CHD7: variants seen among roughly 807,000 people sequenced by gnomAD.
The protein encoded by CHD7 is ATP-dependent chromatin remodeler CHD7.
In CHD7, 24 loss-of-function variants were observed where a neutral mutation model predicts 307.3. That is an observed-to-expected ratio of 0.08 (90% CI 0.06 to 0.11). The LOEUF (loss-of-function observed/expected upper bound fraction) is 0.11. CHD7 is among the 10% of genes least tolerant of loss of function. The pLI, the probability that CHD7 is intolerant of heterozygous loss-of-function variation, is 1.00. For synonymous variants in CHD7, 1,363 were observed against 1,349.9 expected, an observed-to-expected ratio of 1.01 and a Z score of -0.21; for missense variants, 3,106 against 3,727.1, an observed-to-expected ratio of 0.83 and a Z score of 4.34.
At chr8:60,773,175 G>A (rs765886426) in intron 2 of CHD7, among the ~76,000 whole-genome samples, 5 of 152,208 alleles carry the variant, frequency 3.3e-5, no homozygotes, top group African/African-American at 7.2e-5. Context: ...TCTGCTTGTG[G>A]CCTGGGAGAT....
chr8:60,681,681 T>G (rs1377320555), intron 1 of CHD7, among the ~76,000 whole-genome samples: 1 of 152,244 alleles, frequency 6.6e-6, no homozygotes, highest in African/African-American at 2.4e-5. Context: ...AATCTGCTGA[T>G]AAAAGGACAT....
At chr8:60,837,635 T>C (rs1354519341) in intron 17 of CHD7, 33 bp from the exon 18 acceptor site, 4 of 1,499,086 alleles carry the variant, frequency 2.7e-6, no homozygotes, top group African/African-American at 1.4e-5. Context: ...ATTAGGTTCA[T>C]TGCAGTAACT....
At chr8:60,847,196 C>T (rs1335834200) in intron 23 of CHD7, among the ~76,000 whole-genome samples, 3 of 152,126 alleles carry the variant, frequency 2.0e-5, no homozygotes, top group South Asian at 4.1e-4. Context: ...TGAGTAGGCT[C>T]GTGGTTGGGG....
chr8:60,811,400 C>T (rs1006776413), intron 7 of CHD7, among the ~76,000 whole-genome samples: 11 of 152,224 alleles, frequency 7.2e-5, no homozygotes, highest in Middle Eastern at 3.4e-3. Context: ...ATTTCCTCTT[C>T]GTTCTTACAA....
At chr8:60,852,752 G>A (rs1368606330) in intron 30 of CHD7, 46 bp downstream of exon 30, 1 of 1,611,014 alleles carries the variant, frequency 6.2e-7, no homozygotes, top group Admixed American at 1.7e-5. Flanking sequence ...GACGAGTAAA[G>A]TGAAAAATAA....
intron 7 of CHD7, among the ~76,000 whole-genome samples, chr8:60,811,964 T>C (rs1233397018): frequency 6.6e-6 from 1 of 152,250 alleles, no homozygotes; most frequent in African/African-American, 2.4e-5. Flanking sequence ...TTTTTACATC[T>C]TGCTTTGTCA....
chr8:60,780,721 AGT>A (rs1406262333), intron 2 of CHD7, among the ~76,000 whole-genome samples: 1 of 152,228 alleles, frequency 6.6e-6, no homozygotes, highest in African/African-American at 2.4e-5. Flanking sequence ...AAAAACAGAC[AGT>A]GTCTTCAGTT....
At position 60,699,498 on chromosome 8, in the gene CHD7, A is replaced by G. The variant is rs553178511; in HGVS notation, c.-175+20416A>G. Among the ~76,000 whole-genome samples the G allele has an allele frequency of 2.0e-5, 3 of 152,000 alleles. No homozygotes were observed. The East Asian group carries it at 5.8e-4, about 29-fold the overall frequency. On this transcript the variant is annotated intron_variant, in intron 1 of 37. Transcript: ENST00000423902. ...GAGCCAGCGTAATGTGATAGGTCTTATTTTATTACATTTCACTTAAAAAAA... is the reference window on the plus strand; with the variant it reads ...GAGCCAGCGTAATGTGATAGGTCTTGTTTTATTACATTTCACTTAAAAAAA...
intron 1 of CHD7, among the ~76,000 whole-genome samples, chr8:60,719,875 A>G (rs943388351): frequency 1.3e-5 from 2 of 152,222 alleles, no homozygotes; most frequent in African/African-American, 4.8e-5. Context: ...TGTTTGACAA[A>G]GGCAAAAAAA....
chr8:60,849,923 C>T (rs1279295794), intron 25 of CHD7, among the ~76,000 whole-genome samples: 1 of 152,196 alleles, frequency 6.6e-6, no homozygotes, highest in East Asian at 1.9e-4. Flanking sequence ...TGGGATCTGC[C>T]ATTTTCCATC....
At chr8:60,837,589 G>A (rs1052122783) in intron 17 of CHD7, 79 bp from the exon 18 acceptor site, 1 of 1,252,286 alleles carries the variant, frequency 8.0e-7, no homozygotes, top group South Asian at 1.6e-5. Context: ...TTGGAATGAG[G>A]GTTTCAGCAT....
At chr8:60,681,928 AATT>A (rs1464364722) in intron 1 of CHD7, among the ~76,000 whole-genome samples, 5 of 152,176 alleles carry the variant, frequency 3.3e-5, no homozygotes, top group East Asian at 1.9e-4. Context: ...ATGAATTTTA[AATT>A]ATTATATTCA....
At chr8:60,781,468 A>G in intron 3 of CHD7, 38 bp downstream of exon 3, 1 of 1,495,430 alleles carries the variant, frequency 6.7e-7, no homozygotes, top group African/African-American at 1.4e-5. Context: ...CAAAACATTG[A>G]GAGTACAGAA....
chr8:60,679,023 GC>G lies in CHD7; in HGVS notation c.-231del, dbSNP rs1360680538. On this transcript the variant is annotated 5_prime_UTR_variant, in exon 1 of 38. Transcript: ENST00000423902. ...CCGCAGCTGCCGAGCCAACTCCGGA[GC>G]CCGCTCTGCGTTTTGTTTTCCCCTC... 1 of 151,056 alleles carries G rather than the reference GC, an allele frequency of 6.6e-6. No individual in the cohort carries two copies. Among genetic ancestry groups the G allele is most frequent in the East Asian group, 1.9e-4 (1 of 5,142 alleles). The allele number at this position is 151,056 out of a possible 1,614,324, so 9.4% of individuals were successfully genotyped here.
At chr8:60,711,819 G>C (rs1807293884) in intron 1 of CHD7, among the ~76,000 whole-genome samples, 1 of 152,218 alleles carries the variant, frequency 6.6e-6, no homozygotes, top group Admixed American at 6.5e-5. Flanking sequence ...AGACGCTTTT[G>C]TTGGTCTCCC....
chr8:60,719,119 A>G (rs1185032332), intron 1 of CHD7, among the ~76,000 whole-genome samples: 1 of 152,236 alleles, frequency 6.6e-6, no homozygotes, highest in Non-Finnish European at 1.5e-5. Context: ...TCATTAGGTG[A>G]CACATGACTA....
intron 2 of CHD7, among the ~76,000 whole-genome samples, chr8:60,778,666 C>T (rs1811065384): frequency 6.6e-6 from 1 of 152,172 alleles, no homozygotes; most frequent in South Asian, 2.1e-4. Context: ...TCCTCTTTTC[C>T]TCTCTTTCCA....
intron 1 of CHD7, among the ~76,000 whole-genome samples, chr8:60,721,743 G>T (rs1396590859): frequency 1.3e-5 from 2 of 152,196 alleles, no homozygotes; most frequent in African/African-American, 4.8e-5. Context: ...GAGAACCACT[G>T]GTTTAGATGG....
Position 60,824,011 on chromosome 8 carries a change from G to A in CHD7, c.3373G>A (p.Asp1125Asn). The change falls in exon 13 of 38, where the codon GAC becomes AAC. Residue 1125 changes from aspartate (D) to asparagine (N), a missense_variant. Asp to Asn is a conservative substitution (Grantham distance 23). This residue lies in a region of CHD7 where 232 missense variants were observed against 422.5 expected (regional missense o/e 0.55). Transcript: ENST00000423902. ...GCTGTTGGAGGGACTCAAGATGATG[G>A]ACTTGGTCAGTGACCATATTGGTGA... ...CKLLEGLKMM[D>N]LEHKVLLTGT... The A allele has an allele frequency of 1.2e-6, 2 of 1,612,444 alleles. No individual in the cohort carries two copies. The highest frequency in any genetic ancestry group is 1.7e-6 in the Non-Finnish European group (2 of 1,178,706).
Sources: gnomAD v4.1 joint callset for allele counts (sites outside exome capture counted in the v4.1 genomes callset) on GRCh38, gnomAD v4.1.1 for gene constraint, gnomAD v4.1.1 regional missense constraint, MANE v1.5 for transcripts, NCBI Gene and HGNC (gene_info 2026-07-23, HGNC 2026-07-21) for gene names.